PBX1: variants seen among roughly 807,000 people sequenced by gnomAD.
PBX1 encodes the protein PBX homeobox 1.
Under a neutral mutation model 53.4 loss-of-function variants are expected in PBX1, and 6 were observed. The observed-to-expected ratio is 0.11, with a 90% CI of 0.06 to 0.22. The LOEUF (loss-of-function observed/expected upper bound fraction) is 0.22, where lower values mean the gene tolerates loss of function less well. Ranked by LOEUF, PBX1 falls within the 10% of genes least tolerant of loss-of-function variation. The pLI is 1.00. For missense variants in PBX1, 251 were observed against 551.4 expected, an observed-to-expected ratio of 0.46 and a Z score of 5.46; for synonymous variants, 204 against 212.3, an observed-to-expected ratio of 0.96 and a Z score of 0.34.
chr1:164,740,277 A>G (rs1385253948), intron 2 of PBX1, among the ~76,000 whole-genome samples: 2 of 152,214 alleles, frequency 1.3e-5, no homozygotes, highest in South Asian at 2.1e-4. Context: ...GCAACAAACC[A>G]TACTGAGCCA....
At chr1:164,772,037 A>T (rs1667401834) in intron 2 of PBX1, among the ~76,000 whole-genome samples, 1 of 152,210 alleles carries the variant, frequency 6.6e-6, no homozygotes, top group Non-Finnish European at 1.5e-5. Context: ...TGCCCCAAGA[A>T]TTCCAGCTGT....
rs185854231 is a variant in PBX1, at chr1:164,796,773, A to G, written c.511-2926A>G. On this transcript the variant is annotated intron_variant, in intron 3 of 8. Transcript: ENST00000420696. ...CCCTATGGAGGCAGCCTGAGCTCCC[A>G]GAAAGTAACTATTGTTTTTTATGAC... 1.0e-3 allele frequency among the ~76,000 whole-genome samples: 158 copies of G among 152,364 alleles called. 1 individual carries two copies. The highest frequency in any genetic ancestry group is 3.7e-3 in the African/African-American group (155 of 41,584).
intron 3 of PBX1, among the ~76,000 whole-genome samples, chr1:164,796,913 A>G (rs1668814292): frequency 6.6e-6 from 1 of 152,220 alleles, no homozygotes; most frequent in African/African-American, 2.4e-5. Context: ...TGCCTGTCCT[A>G]TCGGAAGTAG....
chr1:164,741,394 T>G (rs530150958), intron 2 of PBX1, among the ~76,000 whole-genome samples: 1 of 152,320 alleles, frequency 6.6e-6, no homozygotes, highest in Non-Finnish European at 1.5e-5. Flanking sequence ...CTATTTCTGT[T>G]AAGCAGCCTC....
At chr1:164,869,499 T>C (rs1672298066) in intron 2 of PBX1, among the ~76,000 whole-genome samples, 1 of 152,168 alleles carries the variant, frequency 6.6e-6, no homozygotes, top group Non-Finnish European at 1.5e-5. Context: ...TTCTGGGCCA[T>C]GGGTTTCATC....
chr1:164,813,217 A>T (rs1024179375), intron 6 of PBX1: 38 of 152,290 alleles, frequency 2.5e-4, no homozygotes, highest in African/African-American at 8.4e-4. Flanking sequence ...CAGATGCATA[A>T]ATTTGTTATG....
intron 2 of PBX1, among the ~76,000 whole-genome samples, chr1:164,764,035 G>A (rs1029513365): frequency 1.6e-4 from 24 of 152,296 alleles, no homozygotes; most frequent in African/African-American, 5.3e-4. Flanking sequence ...CCTAAATGCC[G>A]TATATGACCT....
At chr1:164,798,353 A>C (rs1486921486) in intron 3 of PBX1, among the ~76,000 whole-genome samples, 2 of 152,262 alleles carry the variant, frequency 1.3e-5, no homozygotes, top group African/African-American at 4.8e-5. Flanking sequence ...TAACTCTCAA[A>C]GCATCATCTT....
Position 164,645,834 on chromosome 1 carries a change from A to G in PBX1, c.265+82523A>G, listed in dbSNP as rs916449080. Among the ~76,000 whole-genome samples the G allele has an allele frequency of 9.9e-5, 15 of 152,176 alleles. 1 individual carries two copies. Among genetic ancestry groups the G allele is most frequent in the Admixed American group, 5.9e-4 (9 of 15,286 alleles). On this transcript the variant is annotated intron_variant, in intron 2 of 8. Transcript: ENST00000420696. The stretch of plus-strand genomic sequence containing the variant: ...AATTAAAGTTTTTCAGTGATTTTTT[A>G]ACTTTCTTCAGTCCAGGTTAACAAT...
chr1:164,577,034 C>G (rs1286346809), intron 2 of PBX1: 2 of 152,078 alleles, frequency 1.3e-5, no homozygotes, highest in Non-Finnish European at 2.9e-5. Flanking sequence ...AACACGCACG[C>G]GTATTAATTT....
chr1:164,618,529 C>G (rs535264250), intron 2 of PBX1, among the ~76,000 whole-genome samples: 1 of 152,072 alleles, frequency 6.6e-6, no homozygotes, highest in South Asian at 2.1e-4. Context: ...TTTTATTTTC[C>G]TTTTCTCAAA....
At chr1:164,590,651 C>T (rs1655311047) in intron 2 of PBX1, among the ~76,000 whole-genome samples, 1 of 152,140 alleles carries the variant, frequency 6.6e-6, no homozygotes, top group East Asian at 1.9e-4. Flanking sequence ...ATGCTTTTAC[C>T]TAGCCCTTGG....
chr1:164,804,799 A>G (rs1669260260), intron 4 of PBX1, among the ~76,000 whole-genome samples: 1 of 152,246 alleles, frequency 6.6e-6, no homozygotes, highest in Non-Finnish European at 1.5e-5. Context: ...AGGTACTCCA[A>G]TCTTTGAATG....
intron 2 of PBX1, among the ~76,000 whole-genome samples, chr1:164,644,082 G>A (rs1024418639): frequency 1.9e-4 from 29 of 152,082 alleles, no homozygotes; most frequent in Admixed American, 1.7e-3. Context: ...CCTAAATGTC[G>A]ATGATGTCCC....
At chr1:164,839,368 C>T (rs535268588) in intron 8 of PBX1, among the ~76,000 whole-genome samples, 33 of 152,220 alleles carry the variant, frequency 2.2e-4, no homozygotes, top group African/African-American at 6.5e-4. Flanking sequence ...TACGTATTTA[C>T]GTAATTAAAA....
intron 2 of PBX1, chr1:164,674,693 C>A (rs1661319068): frequency 6.6e-6 from 1 of 152,090 alleles, no homozygotes; most frequent in Non-Finnish European, 1.5e-5. Flanking sequence ...ACCCAGTGTG[C>A]CATAGCTTCA....
At chr1:164,668,854 GA>G (rs1161966547) in intron 2 of PBX1, among the ~76,000 whole-genome samples, 1 of 152,192 alleles carries the variant, frequency 6.6e-6, no homozygotes, top group Non-Finnish European at 1.5e-5. Flanking sequence ...GAGATTTGCG[GA>G]ATCTGCGGAG....
chr1:164,739,080 G>A (rs1665451583), intron 2 of PBX1, among the ~76,000 whole-genome samples: 1 of 152,172 alleles, frequency 6.6e-6, no homozygotes, highest in Non-Finnish European at 1.5e-5. Context: ...CATGTACCCT[G>A]TGTGTTCAGT....
chr1:164,883,040 T>A (rs1672698236), intron 2 of PBX1, among the ~76,000 whole-genome samples: 2 of 152,214 alleles, frequency 1.3e-5, no homozygotes, highest in Non-Finnish European at 2.9e-5. Context: ...TTAGGCATAT[T>A]ACTGAAATAA....
Sources: gnomAD v4.1 joint callset for allele counts (sites outside exome capture counted in the v4.1 genomes callset) on GRCh38, gnomAD v4.1.1 for gene constraint, MANE v1.5 for transcripts, NCBI Gene and HGNC (gene_info 2026-07-23, HGNC 2026-07-21) for gene names.